Variants in FAM193A observed in about 807,000 individuals in gnomAD.
FAM193A encodes the protein family with sequence similarity 193 member A, also known as protein FAM193A.
In FAM193A, 22 loss-of-function variants were observed where a neutral mutation model predicts 126.5. The ratio of observed to expected loss-of-function variants is 0.17; its 90% CI spans 0.12 to 0.25. FAM193A has a LOEUF of 0.25. FAM193A is among the 10% of genes least tolerant of loss of function. FAM193A has a pLI of 1.00. For missense variants in FAM193A, 1,675 were observed against 1,672.8 expected, an observed-to-expected ratio of 1.00 and a Z score of -0.02; for synonymous variants, 761 against 646.8, an observed-to-expected ratio of 1.18 and a Z score of -2.68.
At chr4:2,656,654 G>T (rs1167042841) in intron 7 of FAM193A, among the ~76,000 whole-genome samples, 1 of 152,206 alleles carries the variant, frequency 6.6e-6, no homozygotes, top group African/African-American at 2.4e-5. Flanking sequence ...GTTAGGGGCA[G>T]TCCCCACTTG....
At chr4:2,628,409 C>G (rs1309721676) in intron 4 of FAM193A, among the ~76,000 whole-genome samples, 1 of 151,994 alleles carries the variant, frequency 6.6e-6, no homozygotes. Flanking sequence ...CCCAGCACTT[C>G]GGGAGGATTG....
At chr4:2,559,965 CTT>C (rs112140041) in intron 1 of FAM193A, among the ~76,000 whole-genome samples, 1 of 147,810 alleles carries the variant, frequency 6.8e-6, no homozygotes, top group South Asian at 2.1e-4. Flanking sequence ...TTCTTTTTTC[CTT>C]TTTTTTTTGA....
chr4:2,711,788 G>A (rs34658712), intron 19 of FAM193A, among the ~76,000 whole-genome samples: 38,044 of 151,692 alleles, frequency 0.25, 5,216 homozygotes, highest in Middle Eastern at 0.37. Flanking sequence ...TTAGCTGGAC[G>A]TGGTGGCACG....
chr4:2,556,298 C>T (rs1263997960), intron 1 of FAM193A, among the ~76,000 whole-genome samples: 2 of 152,052 alleles, frequency 1.3e-5, no homozygotes, highest in Admixed American at 1.3e-4. Flanking sequence ...CTCCACCTCC[C>T]GGGTTCAAGC....
chr4:2,561,249 C>T (rs1738595015), intron 1 of FAM193A, among the ~76,000 whole-genome samples: 3 of 152,062 alleles, frequency 2.0e-5, no homozygotes, highest in Admixed American at 6.6e-5. Context: ...GGCGCAGTCT[C>T]AGTTCACTGC....
intron 6 of FAM193A, among the ~76,000 whole-genome samples, chr4:2,645,034 A>ATGTGTG (rs3221482): frequency 6.7e-5 from 10 of 149,378 alleles, no homozygotes; most frequent in African/African-American, 1.2e-4. Context: ...ATATACATGA[A>ATGTGTG]TGTGTGTGTG....
intron 19 of FAM193A, among the ~76,000 whole-genome samples, chr4:2,703,162 G>A (rs1413791642): frequency 2.6e-5 from 4 of 152,062 alleles, no homozygotes; most frequent in Admixed American, 6.6e-5. Context: ...GCAGCGACAC[G>A]GTACTCCATT....
At chr4:2,708,972 A>C (rs1455917974) in intron 19 of FAM193A, among the ~76,000 whole-genome samples, 1 of 152,086 alleles carries the variant, frequency 6.6e-6, no homozygotes, top group East Asian at 1.9e-4. Context: ...TGGTGTTTCC[A>C]CATTAAGTAA....
rs561811400 is a variant in FAM193A, at chr4:2,732,393, TC to T, written c.*528del. 78 of 165,778 alleles carry T rather than the reference TC, an allele frequency of 4.7e-4. No individual in the cohort carries two copies. Among genetic ancestry groups the T allele is most frequent in the African/African-American group, 1.7e-3 (69 of 41,710 alleles). The allele number at this position is 165,778 out of a possible 1,614,324, so 10.3% of individuals were successfully genotyped here. ...TGACTTGTAGCCAGCTTGTGTAAGA[TC>T]CCTTGCAGAACGAGAAAGTTAAAAA... On this transcript the variant is annotated 3_prime_UTR_variant, in exon 21 of 21. Transcript: ENST00000637812.
chr4:2,672,452 G>A lies in FAM193A; in HGVS notation c.2331+80G>A, dbSNP rs554143533. On this transcript the variant is annotated intron_variant, in intron 13 of 20. Coordinates refer to ENST00000637812, the MANE Select transcript of FAM193A (RefSeq NM_001366318.2). ...AGTACATAGTCAAACAAAGAAATCT[G>A]TGAATTAGCAACTTGCATAGGATAG... is the stretch of plus-strand genomic sequence containing the variant. 36 of 1,497,710 alleles carry A rather than the reference G, an allele frequency of 2.4e-5. No individual in the cohort carries two copies. The African/African-American group carries it at 4.4e-4, about 18-fold the overall frequency. 92.8% of individuals were successfully genotyped at this position (1,497,710 alleles called of 1,614,324 possible).
At chr4:2,562,450 A>G (rs1295365857) in intron 1 of FAM193A, among the ~76,000 whole-genome samples, 1 of 152,122 alleles carries the variant, frequency 6.6e-6, no homozygotes, top group East Asian at 1.9e-4. Flanking sequence ...CCCTGCCTTT[A>G]AGATCATTTA....
chr4:2,727,119 C>T (rs1260492366), intron 20 of FAM193A, among the ~76,000 whole-genome samples: 3 of 149,548 alleles, frequency 2.0e-5, no homozygotes, highest in Admixed American at 6.7e-5. Context: ...ATTAGCTGGG[C>T]GTGGTGGTGC....
At chr4:2,679,275 GTATGAATCTTTTAA>G (rs1270549495) in intron 13 of FAM193A, among the ~76,000 whole-genome samples, 14 of 151,338 alleles carry the variant, frequency 9.3e-5, no homozygotes, top group Non-Finnish European at 5.9e-5. Context: ...TGGTCATGGT[GTATGAATCTTTTAA>G]TATGCTGCTG....
At chr4:2,679,205 T>C (rs1055337792) in intron 13 of FAM193A, among the ~76,000 whole-genome samples, 2 of 152,148 alleles carry the variant, frequency 1.3e-5, no homozygotes, top group African/African-American at 4.8e-5. Context: ...ATGTGGCATA[T>C]TAACATTGAT....
At chr4:2,606,069 G>A (rs1379891612) in intron 2 of FAM193A, among the ~76,000 whole-genome samples, 1 of 4,474 alleles carries the variant, frequency 2.2e-4, no homozygotes, top group Non-Finnish European at 4.5e-4. Flanking sequence ...TTTTTTTTTT[G>A]AGACAGTGTC....
intron 1 of FAM193A, among the ~76,000 whole-genome samples, chr4:2,540,926 A>G (rs1355235425): frequency 6.9e-6 from 1 of 143,894 alleles, no homozygotes; most frequent in Non-Finnish European, 1.5e-5. Flanking sequence ...ACATCACTAC[A>G]CTCTAGCCTG....
At chr4:2,615,813 G>A (rs1742148060) in intron 2 of FAM193A, among the ~76,000 whole-genome samples, 3 of 151,908 alleles carry the variant, frequency 2.0e-5, no homozygotes, top group Admixed American at 2.0e-4. Context: ...CACCATGCCC[G>A]GCCTATTTTA....
At chr4:2,666,261 G>A (rs1006792590) in intron 12 of FAM193A, among the ~76,000 whole-genome samples, 1 of 152,170 alleles carries the variant, frequency 6.6e-6, no homozygotes, top group African/African-American at 2.4e-5. Context: ...TTCTGCATGT[G>A]TTGCGATCTT....
At chr4:2,628,101 G>T (rs1349255557) in intron 4 of FAM193A, among the ~76,000 whole-genome samples, 1 of 151,938 alleles carries the variant, frequency 6.6e-6, no homozygotes, top group Non-Finnish European at 1.5e-5. Flanking sequence ...GGCCAGGCTG[G>T]CCTTGAACTC....
Sources: gnomAD v4.1 joint callset for allele counts (sites outside exome capture counted in the v4.1 genomes callset) on GRCh38, gnomAD v4.1.1 for gene constraint, MANE v1.5 for transcripts, NCBI Gene and HGNC (gene_info 2026-07-23, HGNC 2026-07-21) for gene names.